UBE3D: variants seen among roughly 807,000 people sequenced by gnomAD.
UBE3D encodes the protein E3 ubiquitin-protein ligase E3D.
Under a neutral mutation model 49.6 loss-of-function variants are expected in UBE3D, and 48 were observed. The ratio of observed to expected loss-of-function variants is 0.97; its 90% CI spans 0.77 to 1.23. The LOEUF (loss-of-function observed/expected upper bound fraction) is 1.23. Ranked by LOEUF, UBE3D falls within the 50% of genes most tolerant of loss-of-function variation. The pLI, the probability that UBE3D is intolerant of heterozygous loss-of-function variation, is 0.00. For synonymous variants in UBE3D, 189 were observed against 174.2 expected (o/e 1.08, Z -0.67); for missense variants, 452 against 468.4 (o/e 0.96, Z 0.32).
chr6:82,952,345 A>G (rs1012408441), intron 9 of UBE3D, among the ~76,000 whole-genome samples: 1 of 152,100 alleles, frequency 6.6e-6, no homozygotes, highest in Non-Finnish European at 1.5e-5. Context: ...CTAAGTACCA[A>G]TCACTGAGAA....
At chr6:82,917,855 T>C (rs977760941) in intron 9 of UBE3D, among the ~76,000 whole-genome samples, 1 of 152,192 alleles carries the variant, frequency 6.6e-6, no homozygotes, top group Non-Finnish European at 1.5e-5. Flanking sequence ...CACTCTGCCT[T>C]GTCTTTTGGA....
intron 4 of UBE3D, among the ~76,000 whole-genome samples, chr6:83,039,633 T>G (rs980307635): frequency 3.3e-5 from 5 of 152,132 alleles, no homozygotes; most frequent in African/African-American, 1.2e-4. Flanking sequence ...GTTTTGTTTT[T>G]TTTTGTTTTG....
At chr6:83,009,876 A>G (rs1780224603) in intron 8 of UBE3D, among the ~76,000 whole-genome samples, 1 of 151,436 alleles carries the variant, frequency 6.6e-6, no homozygotes. Context: ...AAAAATCACA[A>G]AAAGAGAAAA....
chr6:82,914,541 C>A (rs143724929), intron 9 of UBE3D, among the ~76,000 whole-genome samples: 1 of 152,188 alleles, frequency 6.6e-6, no homozygotes, highest in East Asian at 1.9e-4. Flanking sequence ...TGTGGCACCT[C>A]GGCGTCAAGC....
intron 9 of UBE3D, among the ~76,000 whole-genome samples, chr6:82,923,586 G>T (rs1773521592): frequency 6.6e-6 from 1 of 152,106 alleles, no homozygotes; most frequent in Non-Finnish European, 1.5e-5. Context: ...GCTAGGGGAG[G>T]GATAACATTA....
chr6:82,892,995 G>C lies in UBE3D; in HGVS notation c.*27C>G. On this transcript the variant is annotated 3_prime_UTR_variant, in exon 10 of 10. Transcript: ENST00000369747. ...GCTCCTGCTTGAGAGCTGTCTGCCG[G>C]GGGAGGAGAATGCCCAGCTCTAATA... is the stretch of plus-strand genomic sequence containing the variant. The C allele has an allele frequency of 6.2e-7, 1 of 1,613,624 alleles. No homozygotes were observed. The highest frequency in any genetic ancestry group is 2.2e-5 in the East Asian group (1 of 44,852).
the UBE3D span, among the ~76,000 whole-genome samples, chr6:82,886,186 C>T: frequency 9.9e-5 from 15 of 152,214 alleles, no homozygotes; most frequent in Non-Finnish European, 1.8e-4. Flanking sequence ...CCTTTGCTTA[C>T]GTAAGGCAGC....
chr6:82,898,534 G>A (rs1300557765), intron 9 of UBE3D, among the ~76,000 whole-genome samples: 1 of 152,140 alleles, frequency 6.6e-6, no homozygotes. Flanking sequence ...GCAGGGACAT[G>A]GATGAAGCTG....
At chr6:83,032,240 A>G in intron 5 of UBE3D, 1 of 456,054 alleles carries the variant, frequency 2.2e-6, no homozygotes, top group Non-Finnish European at 4.4e-6. Context: ...GTGGGGCCGT[A>G]CCCGGCAAAA....
downstream of UBE3D, among the ~76,000 whole-genome samples, chr6:82,892,106 T>C (rs150897879): frequency 1.9e-4 from 29 of 152,268 alleles, no homozygotes; most frequent in Non-Finnish European, 1.3e-4. Flanking sequence ...TTAATGCCAA[T>C]TGAGCAGCAA....
At chr6:82,943,609 C>T (rs867601931) in intron 9 of UBE3D, among the ~76,000 whole-genome samples, 10 of 152,236 alleles carry the variant, frequency 6.6e-5, no homozygotes, top group South Asian at 2.1e-4. Flanking sequence ...ACACTACAAC[C>T]TGGATGACAG....
chr6:82,892,245 G>A (rs1771000187), downstream of UBE3D, among the ~76,000 whole-genome samples: 1 of 152,174 alleles, frequency 6.6e-6, no homozygotes, highest in South Asian at 2.1e-4. Flanking sequence ...TTTGATCCTA[G>A]CTGTGTGATT....
chr6:82,963,097 A>G (rs1776667272), intron 8 of UBE3D, among the ~76,000 whole-genome samples: 1 of 152,160 alleles, frequency 6.6e-6, no homozygotes, highest in Admixed American at 6.5e-5. Flanking sequence ...ATACATATGA[A>G]CAAAGAAAGT....
intron 8 of UBE3D, among the ~76,000 whole-genome samples, chr6:82,993,007 C>T (rs929221486): frequency 2.0e-5 from 3 of 151,656 alleles, no homozygotes; most frequent in Admixed American, 6.6e-5. Context: ...TAATGCGGAC[C>T]TACCACCTAA....
At chr6:83,016,140 TAA>T (rs1780681943) in intron 8 of UBE3D, among the ~76,000 whole-genome samples, 1 of 152,222 alleles carries the variant, frequency 6.6e-6, no homozygotes. Context: ...CTACAGGAGA[TAA>T]GATTCTCACT....
At chr6:83,008,723 C>T (rs1780151203) in intron 8 of UBE3D, among the ~76,000 whole-genome samples, 1 of 152,176 alleles carries the variant, frequency 6.6e-6, no homozygotes, top group South Asian at 2.1e-4. Context: ...ATAGTTAATA[C>T]ACCACCCCAT....
At position 82,923,916 on chromosome 6, in the gene UBE3D, C is replaced by T. The variant is rs541496513; in HGVS notation, c.1150-30874G>A. ...AAACAGATTAAATGCAGCAAAAAAACTGTGTGTTGGAAAAGCCTAGAGTCA... is the reference window on the plus strand; with the variant it reads ...AAACAGATTAAATGCAGCAAAAAAATTGTGTGTTGGAAAAGCCTAGAGTCA... On this transcript the variant is annotated intron_variant, in intron 9 of 9. Transcript: ENST00000369747. Among the ~76,000 whole-genome samples the T allele has an allele frequency of 9.9e-5, 15 of 152,126 alleles. No individual in the cohort carries two copies. The East Asian group carries it at 2.1e-3, about 22-fold the overall frequency.
At chr6:83,043,773 T>C (rs1265752223) in intron 4 of UBE3D, among the ~76,000 whole-genome samples, 2 of 152,252 alleles carry the variant, frequency 1.3e-5, no homozygotes, top group Non-Finnish European at 2.9e-5. Flanking sequence ...AGTGGAATGC[T>C]TTCTCACATG....
At chr6:83,035,603 T>C (rs1323092931) in intron 5 of UBE3D, among the ~76,000 whole-genome samples, 2 of 151,098 alleles carry the variant, frequency 1.3e-5, no homozygotes, top group Non-Finnish European at 2.9e-5. Flanking sequence ...ATCTGTCTTA[T>C]ATTAACTGCC....
Sources: gnomAD v4.1 joint callset for allele counts (sites outside exome capture counted in the v4.1 genomes callset) on GRCh38, gnomAD v4.1.1 for gene constraint, MANE v1.5 for transcripts, NCBI Gene and HGNC (gene_info 2026-07-23, HGNC 2026-07-21) for gene names.